Variants in BDNF observed in about 807,000 individuals in gnomAD.
BDNF encodes brain derived neurotrophic factor.
BDNF carries 1 observed loss-of-function variant against 19.5 expected under a neutral mutation model. The ratio of observed to expected loss-of-function variants is 0.05; its 90% CI spans 0.02 to 0.24. BDNF has a LOEUF of 0.24. BDNF is among the 10% of genes least tolerant of loss of function. BDNF has a pLI of 1.00. For missense variants in BDNF, 195 were observed against 317.6 expected, an observed-to-expected ratio of 0.61 and a Z score of 2.93; for synonymous variants, 100 against 121.6, an observed-to-expected ratio of 0.82 and a Z score of 1.17.
intron 1 of BDNF, among the ~76,000 whole-genome samples, chr11:27,690,412 C>T (rs548083596): frequency 4.9e-4 from 75 of 151,842 alleles, no homozygotes; most frequent in Non-Finnish European, 8.2e-4. Flanking sequence ...ACTTCCTGAT[C>T]CTGTGATTTT....
chr11:27,707,140 A>T (rs575616417), intron 1 of BDNF, among the ~76,000 whole-genome samples: 1 of 152,326 alleles, frequency 6.6e-6, no homozygotes, highest in Non-Finnish European at 1.5e-5. Context: ...CTTTCACCTA[A>T]ATTGAACCAT....
chr11:27,685,271 T>C (rs894156459), intron 1 of BDNF, among the ~76,000 whole-genome samples: 14 of 152,182 alleles, frequency 9.2e-5, no homozygotes, highest in Non-Finnish European at 1.9e-4. Context: ...ATTGCGTCTA[T>C]TTGATTCTTC....
rs368976235 is a variant in BDNF at position 27,669,952 on chromosome 11, A to G, written c.-21-11367T>C. Among the ~76,000 whole-genome samples the G allele has an allele frequency of 7.0e-4, 107 of 152,300 alleles. 5 individuals carry two copies. The South Asian group carries it at 0.022, about 31-fold the overall frequency. ...CCAAAAAAGAGCCCGCATCGCCAAG[A>G]CAATCCTAAACCAAAAGAACAAAGC... On this transcript the variant is annotated intron_variant, in intron 1 of 1. Coordinates refer to ENST00000356660, the MANE Select transcript of BDNF (RefSeq NM_001709.5).
intron 1 of BDNF, among the ~76,000 whole-genome samples, chr11:27,695,064 C>T (rs948312051): frequency 5.9e-5 from 9 of 152,158 alleles, no homozygotes; most frequent in African/African-American, 2.2e-4. Context: ...ATTCCACATG[C>T]AACCCCCACC....
At chr11:27,720,757 C>T (rs1175368259) in intron 1 of BDNF, 4 of 986,166 alleles carry the variant, frequency 4.1e-6, no homozygotes, top group African/African-American at 1.7e-5. Context: ...TTAAAAATCT[C>T]TAATTAAGTG....
At chr11:27,672,692 A>G (rs1855554549) in intron 1 of BDNF, among the ~76,000 whole-genome samples, 1 of 152,190 alleles carries the variant, frequency 6.6e-6, no homozygotes, top group Admixed American at 6.5e-5. Flanking sequence ...TTCTTCGATA[A>G]AGTTCCCAGG....
Position 27,656,874 on chromosome 11 carries a change from T to G in BDNF, c.*947A>C, listed in dbSNP as rs1852621566. The G allele has an allele frequency of 1.0e-6, 1 of 985,396 alleles. No individual in the cohort carries two copies. The highest frequency in any genetic ancestry group is 1.2e-6 in the Non-Finnish European group (1 of 829,910). The allele number at this position is 985,396 out of a possible 1,614,324, so 61.0% of individuals were successfully genotyped here. ...CATGATGTGACACAATGTGTTCACTTGTTCACAGCAGTGGTAAAATATTTC... is the reference window on the plus strand; with the variant it reads ...CATGATGTGACACAATGTGTTCACTGGTTCACAGCAGTGGTAAAATATTTC... On this transcript the variant is annotated 3_prime_UTR_variant, in exon 2 of 2. Coordinates refer to ENST00000356660, the MANE Select transcript of BDNF (RefSeq NM_001709.5).
At chr11:27,700,964 G>A, upstream of BDNF, 2 of 1,359,638 alleles carry the variant, frequency 1.5e-6, no homozygotes, top group Middle Eastern at 2.1e-4. Flanking sequence ...CCGGGCCACA[G>A]ACACACCTTC....
intron 1 of BDNF, among the ~76,000 whole-genome samples, chr11:27,681,098 AG>A (rs1378479096): frequency 6.6e-6 from 1 of 152,216 alleles, no homozygotes; most frequent in African/African-American, 2.4e-5. Flanking sequence ...GTTACTTATT[AG>A]GAAGCAAGTT....
intron 1 of BDNF, among the ~76,000 whole-genome samples, chr11:27,679,488 A>G (rs2133949586): frequency 6.6e-6 from 1 of 152,336 alleles, no homozygotes; most frequent in South Asian, 2.1e-4. Flanking sequence ...AGGTTGCTTC[A>G]TGCAAAGTGG....
intron 1 of BDNF, among the ~76,000 whole-genome samples, chr11:27,695,562 A>G (rs1858883240): frequency 6.6e-6 from 1 of 152,180 alleles, no homozygotes; most frequent in Non-Finnish European, 1.5e-5. Context: ...AGATTTCAAA[A>G]TCAGGACATT....
intron 1 of BDNF, chr11:27,677,142 A>T (rs1244489392): frequency 6.6e-6 from 1 of 152,208 alleles, no homozygotes; most frequent in African/African-American, 2.4e-5. Context: ...CGGATGGGGT[A>T]AAAGACTGCT....
chr11:27,714,482 C>T (rs117853517), intron 1 of BDNF, among the ~76,000 whole-genome samples: 1,603 of 152,220 alleles, frequency 0.011, 16 homozygotes, highest in Non-Finnish European at 0.017. Flanking sequence ...GGTCTTCCAT[C>T]GCACCACCTG....
chr11:27,687,188 T>G (rs1197252777), intron 1 of BDNF, among the ~76,000 whole-genome samples: 1 of 152,214 alleles, frequency 6.6e-6, no homozygotes, highest in Non-Finnish European at 1.5e-5. Context: ...TTTCCTCTGC[T>G]TTATCGATTC....
chr11:27,668,460 A>G (rs1014519738), intron 1 of BDNF, among the ~76,000 whole-genome samples: 4 of 152,204 alleles, frequency 2.6e-5, no homozygotes, highest in Admixed American at 6.5e-5. Flanking sequence ...CAAAAAATCA[A>G]TGAACCCAGG....
At chr11:27,711,024 G>A (rs1258528761) in intron 1 of BDNF, among the ~76,000 whole-genome samples, 1 of 152,100 alleles carries the variant, frequency 6.6e-6, no homozygotes, top group Non-Finnish European at 1.5e-5. Context: ...TAAGTGTGAT[G>A]ATAATTATAA....
At chr11:27,667,632 A>T (rs1161774774) in intron 1 of BDNF, among the ~76,000 whole-genome samples, 1 of 152,224 alleles carries the variant, frequency 6.6e-6, no homozygotes, top group Non-Finnish European at 1.5e-5. Context: ...TCTCTGATAA[A>T]ACAGACTTTA....
intron 1 of BDNF, among the ~76,000 whole-genome samples, chr11:27,711,208 G>A (rs565301397): frequency 1.4e-4 from 22 of 152,208 alleles, no homozygotes; most frequent in Middle Eastern, 3.4e-3. Context: ...AAAAATAATC[G>A]TCTTAGCCTA....
chr11:27,659,369 G>T, intron 1 of BDNF: 7 of 1,000,306 alleles, frequency 7.0e-6, no homozygotes, highest in Non-Finnish European at 8.4e-6. Flanking sequence ...TTTCTAAACA[G>T]AAATCATTTT....
Sources: allele counts gnomAD v4.1 joint callset (sites outside exome capture counted in the v4.1 genomes callset), GRCh38; gene constraint gnomAD v4.1.1; transcripts MANE v1.5; gene names NCBI Gene and HGNC (gene_info 2026-07-23, HGNC 2026-07-21).